Variants in HAO2 observed in about 807,000 individuals in gnomAD.
HAO2 encodes the protein hydroxyacid oxidase 2.
A neutral mutation model predicts 37.4 loss-of-function variants in HAO2; 42 were observed. The observed-to-expected ratio is 1.12, with a 90% CI of 0.88 to 1.45. The LOEUF (loss-of-function observed/expected upper bound fraction) is 1.45, where lower values mean the gene tolerates loss of function less well. Ranked by LOEUF, HAO2 falls within the 40% of genes most tolerant of loss-of-function variation. The pLI is 0.00. For missense variants in HAO2, 476 were observed against 430.2 expected (o/e 1.11, Z -0.94); for synonymous variants, 180 against 162.8 (o/e 1.11, Z -0.81).
At chr1:119,392,464 T>A in intron 6 of HAO2, 154 bp from the exon 7 acceptor site, 1 of 723,138 alleles carries the variant, frequency 1.4e-6, no homozygotes, top group South Asian at 1.7e-5. Flanking sequence ...TCTTTGTCTC[T>A]GTGCTTTCCT....
chr1:119,392,172 C>T lies in HAO2; in HGVS notation c.834C>T (p.Gly278=), dbSNP rs373945450. Residue 278 remains glycine (G), a synonymous_variant, in exon 6 of 8, where the codon GGC becomes GGT. Coordinates refer to ENST00000325945, the MANE Select transcript of HAO2 (RefSeq NM_016527.4). ...VKGKIEVYLD[G]GVRTGNDVLK... ...GGAAAATTGAAGTCTACCTGGATGG[C>T]GGGGTCCGAACTGGCAATGATGTGC... 6.1e-5 allele frequency: 98 copies of T among 1,612,632 alleles called. No individual in the cohort carries two copies. The highest frequency in any genetic ancestry group is 3.1e-5 in the Non-Finnish European group (36 of 1,179,008).
intron 1 of HAO2, among the ~76,000 whole-genome samples, chr1:119,377,705 G>A (rs1649582847): frequency 6.6e-6 from 1 of 152,220 alleles, no homozygotes; most frequent in South Asian, 2.1e-4. Flanking sequence ...GAAAGGTGAA[G>A]GAGGAGCAAA....
At chr1:119,383,179 C>T (rs1650099193) in intron 3 of HAO2, 113 bp downstream of exon 3, 2 of 671,230 alleles carry the variant, frequency 3.0e-6, no homozygotes, top group East Asian at 2.7e-5. Context: ...ATCTGGTTAA[C>T]ACTAAGGAAG....
chr1:119,390,482 C>A (rs1357117341), intron 5 of HAO2, among the ~76,000 whole-genome samples: 2 of 152,182 alleles, frequency 1.3e-5, no homozygotes, highest in African/African-American at 4.8e-5. Context: ...CTCCTCACCT[C>A]AGGTGGTTCA....
At chr1:119,388,206 C>G (rs1257415159) in intron 5 of HAO2, among the ~76,000 whole-genome samples, 1 of 152,172 alleles carries the variant, frequency 6.6e-6, no homozygotes, top group African/African-American at 2.4e-5. Context: ...AGCAAAAGAG[C>G]ATAGCATGCC....
rs147044200 is a variant in HAO2, at chr1:119,384,856, G to A, written c.364G>A (p.Glu122Lys). Reference protein sequence around the residue: ...SLEDIVIAAPEGLRWFQLYVH... With the variant: ...SLEDIVIAAPKGLRWFQLYVH... ...TGAAGACATTGTCATTGCAGCTCCCGAAGGCCTCCGATGGTTCCAACTCTA... is the reference window on the plus strand; with the variant it reads ...TGAAGACATTGTCATTGCAGCTCCCAAAGGCCTCCGATGGTTCCAACTCTA... The change falls in exon 4 of 8, where the codon GAA becomes AAA. Residue 122 changes from glutamate (E) to lysine (K), a missense_variant. By Grantham distance (56) the Glu-to-Lys change is moderately conservative (BLOSUM62 1). Coordinates refer to ENST00000325945, the MANE Select transcript of HAO2 (RefSeq NM_016527.4). 5.7e-5 allele frequency: 92 copies of A among 1,613,772 alleles called. 1 individual carries two copies. The East Asian group carries it at 9.1e-4, about 16-fold the overall frequency.
At chr1:119,378,424 C>T (rs150200021) in intron 1 of HAO2, among the ~76,000 whole-genome samples, 164 of 152,264 alleles carry the variant, frequency 1.1e-3, no homozygotes, top group African/African-American at 3.7e-3. Context: ...CAAACCATAT[C>T]ACTGATCTTT....
intron 5 of HAO2, among the ~76,000 whole-genome samples, chr1:119,387,763 T>G (rs587648103): frequency 5.9e-5 from 9 of 152,342 alleles, no homozygotes; most frequent in African/African-American, 2.2e-4. Flanking sequence ...ATAACCAACC[T>G]CCATTGTAGA....
intron 5 of HAO2, among the ~76,000 whole-genome samples, chr1:119,387,715 C>A (rs74637152): frequency 6.6e-6 from 1 of 152,156 alleles, no homozygotes; most frequent in African/African-American, 2.4e-5. Context: ...ATATGCTCCT[C>A]TTATTTTTAA....
intron 1 of HAO2, among the ~76,000 whole-genome samples, chr1:119,373,700 G>A (rs2101172054): frequency 6.6e-6 from 1 of 152,162 alleles, no homozygotes; most frequent in East Asian, 1.9e-4. Context: ...AAAGATATGA[G>A]TCACTCCCTA....
At chr1:119,386,539 C>G in intron 4 of HAO2, 83 bp from the exon 5 acceptor site, 1 of 844,844 alleles carries the variant, frequency 1.2e-6, no homozygotes, top group Admixed American at 1.8e-5. Flanking sequence ...TAAATGGCAG[C>G]TCTCTAAATG....
intron 4 of HAO2, 189 bp downstream of exon 4, chr1:119,385,242 A>G: frequency 1.0e-6 from 1 of 985,084 alleles, no homozygotes; most frequent in South Asian, 4.7e-5. Flanking sequence ...AGACAAGCAC[A>G]ATCAACATAA....
intron 4 of HAO2, chr1:119,386,164 A>C (rs1324976877): frequency 6.6e-6 from 1 of 152,344 alleles, no homozygotes; most frequent in Non-Finnish European, 1.5e-5. Context: ...GGAGCTAGAA[A>C]CGTTGTTGGG....
intron 6 of HAO2, 81 bp from the exon 7 acceptor site, chr1:119,392,537 A>G (rs768525252): frequency 3.6e-5 from 33 of 927,538 alleles, no homozygotes; most frequent in Non-Finnish European, 5.4e-5. Flanking sequence ...AGCTCTGACT[A>G]CATCTAGAAT....
intron 5 of HAO2, 146 bp from the exon 6 acceptor site, chr1:119,391,964 G>C (rs761426556): frequency 8.7e-6 from 5 of 571,790 alleles, no homozygotes; most frequent in Non-Finnish European, 8.9e-6. Context: ...CGCTGCAGTT[G>C]ATCAGCGCTA....
At chr1:119,371,572 T>C (rs1393079175) in intron 1 of HAO2, among the ~76,000 whole-genome samples, 1 of 152,220 alleles carries the variant, frequency 6.6e-6, no homozygotes, top group African/African-American at 2.4e-5. Flanking sequence ...GTGCCCATTT[T>C]CTTCTTTCTA....
chr1:119,389,486 G>A (rs587671611), intron 5 of HAO2, among the ~76,000 whole-genome samples: 25 of 151,918 alleles, frequency 1.6e-4, no homozygotes, highest in Non-Finnish European at 1.8e-4. Context: ...CATTCTTGTA[G>A]CAGTAAGGAA....
chr1:119,381,151 G>A lies in HAO2; in HGVS notation c.66G>A (p.Arg22=). The change falls in exon 2 of 8, where the codon CGG becomes CGA. Residue 22 remains arginine, a synonymous_variant. Transcript: ENST00000325945. The part of the protein sequence containing the change: ...HAREQLSKST[R]DFIEGGADDS... The stretch of plus-strand genomic sequence containing the variant: ...GAGAGCAGCTGTCTAAGTCAACTCG[G>A]GATTTTATTGAAGGTGGAGCAGATG... 6.2e-7 allele frequency: 1 copy of A among 1,610,264 alleles called. No individual in the cohort carries two copies. Among genetic ancestry groups the A allele is most frequent in the South Asian group, 1.1e-5 (1 of 91,018 alleles).
At chr1:119,380,584 C>A (rs1649838725) in intron 1 of HAO2, 3 of 726,974 alleles carry the variant, frequency 4.1e-6, no homozygotes, top group South Asian at 1.7e-5. Context: ...GCTGGTGAGG[C>A]AGTGAAAATC....
Sources: allele counts gnomAD v4.1 joint callset (sites outside exome capture counted in the v4.1 genomes callset), GRCh38; gene constraint gnomAD v4.1.1; transcripts MANE v1.5; gene names NCBI Gene and HGNC (gene_info 2026-07-23, HGNC 2026-07-21).